Variants in ADAMTS3 observed in about 807,000 individuals in gnomAD.
ADAMTS3 encodes ADAM metallopeptidase with thrombospondin type 1 motif 3.
Under a neutral mutation model 129.0 loss-of-function variants are expected in ADAMTS3, and 73 were observed. The ratio of observed to expected loss-of-function variants is 0.57; its 90% CI spans 0.47 to 0.69. The LOEUF is 0.69. Among genes scored for constraint, ADAMTS3 ranks in the 30% least tolerant of loss-of-function variants. The probability of loss-of-function intolerance (pLI) is 0.00; values close to 1 mark genes in which losing one functional copy is unlikely to be tolerated. For synonymous variants in ADAMTS3, 477 were observed against 510.8 expected (o/e 0.93, Z 0.89); for missense variants, 1,457 against 1,514.5 (o/e 0.96, Z 0.63).
intron 2 of ADAMTS3, among the ~76,000 whole-genome samples, chr4:72,552,835 T>G (rs1376736706): frequency 6.6e-6 from 1 of 152,174 alleles, no homozygotes; most frequent in East Asian, 1.9e-4. Context: ...CATTTTACCC[T>G]CTGTCCCCCT....
chr4:72,336,555 A>G (rs1719993951), intron 5 of ADAMTS3, among the ~76,000 whole-genome samples: 1 of 152,178 alleles, frequency 6.6e-6, no homozygotes, highest in Non-Finnish European at 1.5e-5. Context: ...TTTTGGGTCT[A>G]ACAGGCTACA....
chr4:72,443,989 C>A (rs1056865418), intron 3 of ADAMTS3, among the ~76,000 whole-genome samples: 5 of 151,642 alleles, frequency 3.3e-5, no homozygotes, highest in Non-Finnish European at 7.4e-5. Flanking sequence ...GACAAGTAAT[C>A]ACCATAGTGA....
At chr4:72,536,663 G>T (rs1721192112) in intron 3 of ADAMTS3, among the ~76,000 whole-genome samples, 1 of 152,120 alleles carries the variant, frequency 6.6e-6, no homozygotes, top group Non-Finnish European at 1.5e-5. Context: ...AGGTCATGAG[G>T]CTGGTAAGTG....
chr4:72,408,420 A>T (rs1722103954), intron 4 of ADAMTS3, among the ~76,000 whole-genome samples: 1 of 151,964 alleles, frequency 6.6e-6, no homozygotes, highest in African/African-American at 2.4e-5. Flanking sequence ...CAATTTGCAA[A>T]ATCCTAAATG....
chr4:72,515,077 C>T (rs1020823434), intron 3 of ADAMTS3, among the ~76,000 whole-genome samples: 1 of 152,032 alleles, frequency 6.6e-6, no homozygotes, highest in South Asian at 2.1e-4. Flanking sequence ...TGAATGAGAA[C>T]ATGCGGTGTT....
chr4:72,506,465 C>T (rs2110029333), intron 3 of ADAMTS3, among the ~76,000 whole-genome samples: 1 of 152,314 alleles, frequency 6.6e-6, no homozygotes, highest in East Asian at 1.9e-4. Context: ...CCCTACCCTG[C>T]TCCAAAGCAA....
chr4:72,298,329 AGTATC>A lies in ADAMTS3; in HGVS notation c.2533_2537del (p.Asp845PhefsTer2). On this transcript the variant is annotated frameshift_variant, in exon 18 of 22. Coordinates refer to ENST00000286657, the MANE Select transcript of ADAMTS3 (RefSeq NM_014243.3). LOFTEE classifies it high-confidence loss of function. The stretch of plus-strand genomic sequence containing the variant: ...ACCAGCTCTTCAAAGCCCACTCAAA[AGTATC>A]TAATTCTTCCTGGATGACATTGTTG... The A allele has an allele frequency of 1.9e-6, 3 of 1,613,224 alleles. No homozygotes were observed. Among genetic ancestry groups the A allele is most frequent in the Non-Finnish European group, 2.5e-6 (3 of 1,179,374 alleles).
At chr4:72,561,002 G>A (rs1721890245) in intron 2 of ADAMTS3, among the ~76,000 whole-genome samples, 1 of 152,126 alleles carries the variant, frequency 6.6e-6, no homozygotes, top group Admixed American at 6.5e-5. Flanking sequence ...CTTGATAGAG[G>A]AAATATGAGT....
At chr4:72,415,471 G>A (rs1722281184) in intron 3 of ADAMTS3, among the ~76,000 whole-genome samples, 1 of 151,896 alleles carries the variant, frequency 6.6e-6, no homozygotes, top group Admixed American at 6.6e-5. Context: ...AGTATGTAAA[G>A]TTATTTCTTT....
rs1718401731 is a variant in ADAMTS3 at position 72,283,241 on chromosome 4, T to A, written c.3513A>T (p.Ala1171=). Residue 1171 remains alanine (A), a synonymous_variant, in exon 22 of 22, where the codon GCA becomes GCT. Transcript: ENST00000286657. ...AAGAAGCACCTATTGAATCACTGGC[T>A]GCAAAGAAGGAAGCAGCAGCCATTT... ...ASQMAAASFF[A]ASDSIGASSQ... is the part of the protein sequence containing the mutation. 6.2e-7 allele frequency: 1 copy of A among 1,614,058 alleles called. No individual in the cohort carries two copies. Among genetic ancestry groups the A allele is most frequent in the East Asian group, 2.2e-5 (1 of 44,864 alleles).
chr4:72,519,495 C>G (rs1251510450), intron 3 of ADAMTS3, among the ~76,000 whole-genome samples: 1 of 152,204 alleles, frequency 6.6e-6, no homozygotes, highest in Non-Finnish European at 1.5e-5. Flanking sequence ...TAGATTTGGT[C>G]TTTTCACATA....
rs962528033 is a variant in ADAMTS3, at chr4:72,477,959, T to C, written c.505-62988A>G. 2.0e-3 allele frequency among the ~76,000 whole-genome samples: 301 copies of C among 152,018 alleles called. 1 individual carries two copies. Among genetic ancestry groups the C allele is most frequent in the African/African-American group, 6.8e-3 (283 of 41,498 alleles). ...AAACCTAGAAGAAATGGATAAATTCTTCGACACATACACCCTCCCAAGACT... is the reference window on the plus strand; with the variant it reads ...AAACCTAGAAGAAATGGATAAATTCCTCGACACATACACCCTCCCAAGACT... On this transcript the variant is annotated intron_variant, in intron 3 of 21. Transcript: ENST00000286657.
At chr4:72,367,796 G>A (rs1438354287) in intron 4 of ADAMTS3, among the ~76,000 whole-genome samples, 1 of 151,678 alleles carries the variant, frequency 6.6e-6, no homozygotes, top group Non-Finnish European at 1.5e-5. Context: ...CTTGCAGTGG[G>A]CGGAGATGGC....
At chr4:72,455,948 C>CTGTATATATTTTACATAT (rs1560522185) in intron 3 of ADAMTS3, among the ~76,000 whole-genome samples, 2 of 73,888 alleles carry the variant, frequency 2.7e-5, no homozygotes, top group African/African-American at 1.2e-4. Context: ...AGTATATATA[C>CTGTATATATTTTACATAT]AGTATATATA....
chr4:72,410,035 T>C, intron 4 of ADAMTS3, among the ~76,000 whole-genome samples: 1 of 152,106 alleles, frequency 6.6e-6, no homozygotes, highest in East Asian at 1.9e-4. Context: ...TACTAAAAAA[T>C]GTCTGCTGAA....
chr4:72,321,337 T>C (rs1039823747), intron 6 of ADAMTS3, among the ~76,000 whole-genome samples: 2 of 141,062 alleles, frequency 1.4e-5, no homozygotes, highest in Admixed American at 7.3e-5. Context: ...ATTCCTGGCT[T>C]TTTTTTTGTT....
chr4:72,465,715 C>G (rs1718901014), intron 3 of ADAMTS3, among the ~76,000 whole-genome samples: 1 of 151,866 alleles, frequency 6.6e-6, no homozygotes, highest in Non-Finnish European at 1.5e-5. Context: ...ATATGGTTTC[C>G]CTGTGTCCCC....
At chr4:72,409,793 T>C (rs1722143297) in intron 4 of ADAMTS3, among the ~76,000 whole-genome samples, 1 of 152,176 alleles carries the variant, frequency 6.6e-6, no homozygotes, top group South Asian at 2.1e-4. Context: ...CTTCATTTTG[T>C]CAATAATTGT....
intron 3 of ADAMTS3, among the ~76,000 whole-genome samples, chr4:72,454,339 T>C (rs181559755): frequency 4.9e-4 from 74 of 151,806 alleles, no homozygotes; most frequent in African/African-American, 1.8e-3. Flanking sequence ...AATCCAAAGA[T>C]ATAAAAAGTT....
Sources: allele counts gnomAD v4.1 joint callset (sites outside exome capture counted in the v4.1 genomes callset), GRCh38; gene constraint gnomAD v4.1.1; transcripts MANE v1.5; gene names NCBI Gene and HGNC (gene_info 2026-07-23, HGNC 2026-07-21).